Variants in BCKDHB observed in about 807,000 individuals in gnomAD.
BCKDHB encodes the protein 2-oxoisovalerate dehydrogenase subunit beta, mitochondrial.
Under a neutral mutation model 48.5 loss-of-function variants are expected in BCKDHB, and 41 were observed. The observed-to-expected ratio is 0.85, with a 90% CI of 0.66 to 1.10. The LOEUF (loss-of-function observed/expected upper bound fraction) is 1.10. Ranked by LOEUF, BCKDHB falls within the 50% of genes least tolerant of loss-of-function variation. BCKDHB has a pLI of 0.00. For missense variants in BCKDHB, 496 were observed against 494.2 expected (o/e 1.00, Z -0.03); for synonymous variants, 201 against 174.8 (o/e 1.15, Z -1.18).
In BCKDHB at chr6:80,314,606, A is replaced by G. The variant is rs189118777; in HGVS notation, c.1039-29058A>G. On this transcript the variant is annotated intron_variant, in intron 9 of 9. Transcript: ENST00000320393. ...TCTCATTTAAAGAAGCAGTCTGGCA[A>G]TGCCTCAACAAAACAGCTGTGCCAT... Among the ~76,000 whole-genome samples, 179 of 152,328 alleles carry G rather than the reference A, an allele frequency of 1.2e-3. 1 individual carries two copies. The highest frequency in any genetic ancestry group is 2.0e-3 in the Non-Finnish European group (133 of 68,036).
intron 3 of BCKDHB, among the ~76,000 whole-genome samples, chr6:80,146,745 T>C (rs563040557): frequency 6.6e-6 from 1 of 152,190 alleles, no homozygotes; most frequent in Non-Finnish European, 1.5e-5. Context: ...GGCTTTAGAA[T>C]AGGGAGAATT....
chr6:80,384,971 G>T, the BCKDHB span, among the ~76,000 whole-genome samples: 17 of 152,178 alleles, frequency 1.1e-4, no homozygotes, highest in African/African-American at 4.1e-4. Context: ...GATAGTCCTT[G>T]CTGTGAACAA....
chr6:80,351,054 A>G (rs1250841995), downstream of BCKDHB, among the ~76,000 whole-genome samples: 1 of 152,214 alleles, frequency 6.6e-6, no homozygotes, highest in African/African-American at 2.4e-5. Flanking sequence ...TGTTTGGTTA[A>G]TGTGCACATT....
chr6:80,426,391 C>T, the BCKDHB span, among the ~76,000 whole-genome samples: 1 of 151,994 alleles, frequency 6.6e-6, no homozygotes, highest in Admixed American at 6.6e-5. Flanking sequence ...TTGCATTCTC[C>T]TTCTAGCATA....
chr6:80,399,690 A>C, the BCKDHB span, among the ~76,000 whole-genome samples: 1 of 152,162 alleles, frequency 6.6e-6, no homozygotes, highest in Non-Finnish European at 1.5e-5. Flanking sequence ...TTACATATTT[A>C]ACACTATTCC....
At chr6:80,207,958 GC>G (rs1350070002) in intron 8 of BCKDHB, among the ~76,000 whole-genome samples, 1 of 151,776 alleles carries the variant, frequency 6.6e-6, no homozygotes, top group Non-Finnish European at 1.5e-5. Context: ...GCTTAATCAA[GC>G]AGACAAAATC....
intron 6 of BCKDHB, among the ~76,000 whole-genome samples, chr6:80,177,923 A>G (rs1773240462): frequency 6.6e-6 from 1 of 152,200 alleles, no homozygotes; most frequent in Non-Finnish European, 1.5e-5. Flanking sequence ...AGAATGATTC[A>G]CTTACAGAGG....
the BCKDHB span, among the ~76,000 whole-genome samples, chr6:80,379,351 A>T: frequency 2.6e-5 from 4 of 152,146 alleles, no homozygotes; most frequent in Non-Finnish European, 5.9e-5. Context: ...TGATCATCTC[A>T]GTAGATGTAA....
intron 3 of BCKDHB, among the ~76,000 whole-genome samples, chr6:80,152,338 T>G (rs1330948493): frequency 6.6e-6 from 1 of 152,196 alleles, no homozygotes; most frequent in Non-Finnish European, 1.5e-5. Flanking sequence ...GATAGAAGAC[T>G]GAAATAGTTT....
the BCKDHB span, chr6:80,374,431 AT>A: frequency 1.3e-6 from 1 of 769,480 alleles, no homozygotes; most frequent in Non-Finnish European, 2.4e-6. Context: ...TCTTTCAGAT[AT>A]TTTGTGGCTT....
intron 9 of BCKDHB, among the ~76,000 whole-genome samples, chr6:80,278,255 A>G (rs1020659533): frequency 6.6e-6 from 1 of 152,216 alleles, no homozygotes; most frequent in Non-Finnish European, 1.5e-5. Flanking sequence ...ATACTTCTGT[A>G]CTAAAAGATG....
the BCKDHB span, among the ~76,000 whole-genome samples, chr6:80,445,434 A>G: frequency 2.0e-5 from 3 of 152,310 alleles, no homozygotes; most frequent in African/African-American, 7.2e-5. Context: ...AAGCCAGGGT[A>G]AGACTGTTGG....
chr6:80,223,770 A>G (rs111799547), intron 8 of BCKDHB, among the ~76,000 whole-genome samples: 1 of 152,114 alleles, frequency 6.6e-6, no homozygotes, highest in Non-Finnish European at 1.5e-5. Flanking sequence ...GCTTGAAACT[A>G]TTAATCTTGT....
chr6:80,257,159 T>C (rs1267299482), intron 8 of BCKDHB, among the ~76,000 whole-genome samples: 1 of 152,128 alleles, frequency 6.6e-6, no homozygotes, highest in African/African-American at 2.4e-5. Flanking sequence ...TATGCACTGA[T>C]GCCCTGAAGC....
At chr6:80,133,195 T>C (rs1270683022) in intron 3 of BCKDHB, among the ~76,000 whole-genome samples, 1 of 152,248 alleles carries the variant, frequency 6.6e-6, no homozygotes, top group Non-Finnish European at 1.5e-5. Flanking sequence ...CTTGAACTGC[T>C]GCAAAGCATT....
the BCKDHB span, among the ~76,000 whole-genome samples, chr6:80,351,650 T>TC: frequency 6.8e-6 from 1 of 147,684 alleles, no homozygotes; most frequent in Non-Finnish European, 1.5e-5. Flanking sequence ...TTTTTCTTTT[T>TC]TTTTTTTTTT....
intron 9 of BCKDHB, among the ~76,000 whole-genome samples, chr6:80,293,381 T>G (rs1767041232): frequency 6.6e-6 from 1 of 152,214 alleles, no homozygotes; most frequent in South Asian, 2.1e-4. Context: ...GGCTTGAGGC[T>G]TGCACCCTCT....
the BCKDHB span, among the ~76,000 whole-genome samples, chr6:80,427,830 A>C: frequency 6.6e-6 from 1 of 151,816 alleles, no homozygotes; most frequent in Non-Finnish European, 1.5e-5. Flanking sequence ...AGTTGTTCAT[A>C]TTTTTTTCCC....
intron 8 of BCKDHB, among the ~76,000 whole-genome samples, chr6:80,213,681 T>A (rs1000588904): frequency 3.5e-4 from 53 of 151,494 alleles, no homozygotes; most frequent in South Asian, 2.1e-4. Flanking sequence ...TTTTTTTTTT[T>A]AATTTTAACA....
Sources: gnomAD v4.1 joint callset for allele counts (sites outside exome capture counted in the v4.1 genomes callset) on GRCh38, gnomAD v4.1.1 for gene constraint, MANE v1.5 for transcripts, NCBI Gene and HGNC (gene_info 2026-07-23, HGNC 2026-07-21) for gene names.